The following ARHGAP35 variants were observed in gnomAD, a reference collection of about 807,000 sequenced individuals.
ARHGAP35 encodes Rho GTPase activating protein 35, also known as rho GTPase-activating protein 35.
Under a neutral mutation model 111.1 loss-of-function variants are expected in ARHGAP35, and 15 were observed. The observed-to-expected ratio is 0.13, with a 90% CI of 0.09 to 0.21. ARHGAP35 has a LOEUF of 0.21. ARHGAP35 is among the 10% of genes least tolerant of loss of function. ARHGAP35 has a pLI of 1.00. For missense variants in ARHGAP35, 1,262 were observed against 1,873.0 expected, an observed-to-expected ratio of 0.67 and a Z score of 6.02; for synonymous variants, 643 against 710.3, an observed-to-expected ratio of 0.91 and a Z score of 1.51.
At position 46,994,030 on chromosome 19, in the gene ARHGAP35, T is replaced by C. The variant is rs1321574015; in HGVS notation, c.4036+4355T>C. On this transcript the variant is annotated intron_variant, in intron 5 of 6. Coordinates refer to ENST00000672722, the MANE Select transcript of ARHGAP35 (RefSeq NM_004491.5). The surrounding 1 kb of genome is among the most constrained non-coding windows in gnomAD (Gnocchi z 5.4). ...ATCGGGCCCTCCACAGTCTGGGTCCTGAGGGGACTCTGAAGGGGGTGGAGG... is the reference window on the plus strand; with the variant it reads ...ATCGGGCCCTCCACAGTCTGGGTCCCGAGGGGACTCTGAAGGGGGTGGAGG... 6.6e-6 allele frequency among the ~76,000 whole-genome samples: 1 copy of C among 152,204 alleles called. No individual in the cohort carries two copies. Among genetic ancestry groups the C allele is most frequent in the Non-Finnish European group, 1.5e-5 (1 of 68,032 alleles).
In ARHGAP35 at chr19:46,971,643, G is replaced by A. The variant is rs542952943; in HGVS notation, c.3827-16346G>A. 4.6e-5 allele frequency among the ~76,000 whole-genome samples: 7 copies of A among 151,348 alleles called. No individual in the cohort carries two copies. In the South Asian group the frequency reaches 1.1e-3, roughly 23 times the overall value. On this transcript the variant is annotated intron_variant, in intron 3 of 6. Coordinates refer to ENST00000672722, the MANE Select transcript of ARHGAP35 (RefSeq NM_004491.5). ...GCCTCCTGAGCAGCTGGGATTACAG[G>A]CGCACGCCACCACACCTGGCTAATT...
intron 1 of ARHGAP35, among the ~76,000 whole-genome samples, chr19:46,903,260 C>A (rs1043950333): frequency 1.3e-5 from 2 of 152,190 alleles, no homozygotes; most frequent in Non-Finnish European, 2.9e-5. Context: ...AGCTATGGTA[C>A]AAGTTTCCCA....
At chr19:46,998,809 G>A (rs1007580820) in intron 5 of ARHGAP35, among the ~76,000 whole-genome samples, 1 of 152,220 alleles carries the variant, frequency 6.6e-6, no homozygotes, top group Non-Finnish European at 1.5e-5. Context: ...CCCCTCCAAC[G>A]GGGATGTGTG....
chr19:46,916,694 G>A (rs182759627), intron 1 of ARHGAP35, among the ~76,000 whole-genome samples: 11 of 151,034 alleles, frequency 7.3e-5, no homozygotes, highest in Admixed American at 2.0e-4. Context: ...ATAGCACAAA[G>A]GAATATCCTA....
chr19:46,918,656 C>T lies in ARHGAP35; in HGVS notation c.-20C>T, dbSNP rs531331148. 5.6e-6 allele frequency: 9 copies of T among 1,600,550 alleles called. No individual in the cohort carries two copies. Among genetic ancestry groups the T allele is most frequent in the East Asian group, 4.5e-5 (2 of 44,788 alleles). ...TAATCTGATCTCAGAAGTGGCTGAT[C>T]GTGGCAGGATGTGTCGACGATGATG... On this transcript the variant is annotated 5_prime_UTR_variant, in exon 2 of 7. Coordinates refer to ENST00000672722, the MANE Select transcript of ARHGAP35 (RefSeq NM_004491.5). This position sits in a 1 kb window ranked among gnomAD's most constrained non-coding sequence, Gnocchi z 5.4.
At chr19:46,991,854 A>C (rs2056681057) in intron 5 of ARHGAP35, among the ~76,000 whole-genome samples, 1 of 152,244 alleles carries the variant, frequency 6.6e-6, no homozygotes, top group Admixed American at 6.5e-5. Flanking sequence ...CCATGGCTAC[A>C]TCAACTTGAC....
intron 1 of ARHGAP35, among the ~76,000 whole-genome samples, chr19:46,887,468 T>A (rs1353280751): frequency 6.6e-6 from 1 of 152,204 alleles, no homozygotes; most frequent in African/African-American, 2.4e-5. Flanking sequence ...ATGTGAGGAC[T>A]CTGTAACATC....
At chr19:46,953,302 A>G (rs1380406361) in intron 3 of ARHGAP35, among the ~76,000 whole-genome samples, 1 of 152,192 alleles carries the variant, frequency 6.6e-6, no homozygotes, top group Non-Finnish European at 1.5e-5. Flanking sequence ...CGGGGTGAAC[A>G]TTAACATTTT....
chr19:46,975,407 C>T (rs1203133807), intron 3 of ARHGAP35, among the ~76,000 whole-genome samples: 2 of 152,096 alleles, frequency 1.3e-5, no homozygotes, highest in African/African-American at 4.8e-5. Flanking sequence ...GAAGGAGCAC[C>T]AGGGAGGGCC....
intron 1 of ARHGAP35, among the ~76,000 whole-genome samples, chr19:46,882,293 C>T (rs1228226589): frequency 6.6e-6 from 1 of 151,506 alleles, no homozygotes; most frequent in African/African-American, 2.4e-5. Flanking sequence ...TGCCACCATC[C>T]CTGGCTAATT....
chr19:46,972,594 C>T (rs2056556954), intron 3 of ARHGAP35, among the ~76,000 whole-genome samples: 1 of 152,172 alleles, frequency 6.6e-6, no homozygotes, highest in South Asian at 2.1e-4. Context: ...TTCCTTCACT[C>T]CTGAGTCTCC....
chr19:46,920,671 A>G lies in ARHGAP35; in HGVS notation c.1996A>G (p.Asn666Asp). Reference protein sequence around the residue: ...FQPHGCLCLYNSKESLSYVVE... With the variant: ...FQPHGCLCLYDSKESLSYVVE... ...GCCCCACGGCTGTCTCTGCCTTTAC[A>G]ATTCAAAGGAATCGCTATCCTATGT... The change falls in exon 2 of 7, where the codon AAT (asparagine) becomes GAT (aspartate). Residue 666 changes from asparagine (N) to aspartate (D), a missense_variant. Asn to Asp is a conservative substitution (Grantham distance 23). Around this residue, in one of 8 missense-constraint regions of ARHGAP35, gnomAD observed 37 missense variants for 83.9 expected, o/e 0.44. Transcript: ENST00000672722. The surrounding 1 kb of genome is among the most constrained non-coding windows in gnomAD (Gnocchi z 7.0). 3.1e-6 allele frequency: 5 copies of G among 1,613,988 alleles called. No individual in the cohort carries two copies. The highest frequency in any genetic ancestry group is 4.2e-6 in the Non-Finnish European group (5 of 1,179,894).
At chr19:46,979,251 C>G (rs1164741679) in intron 3 of ARHGAP35, among the ~76,000 whole-genome samples, 1 of 152,130 alleles carries the variant, frequency 6.6e-6, no homozygotes, top group African/African-American at 2.4e-5. Context: ...TGCCACTGGG[C>G]CTGCGTGGGC....
chr19:46,996,039 C>T (rs945575181), intron 5 of ARHGAP35, among the ~76,000 whole-genome samples: 5 of 152,224 alleles, frequency 3.3e-5, no homozygotes, highest in Non-Finnish European at 7.3e-5. Context: ...ACCCGCTCCT[C>T]ACTAGGCGTT....
chr19:46,972,166 G>A (rs766603873), intron 3 of ARHGAP35, among the ~76,000 whole-genome samples: 12 of 152,108 alleles, frequency 7.9e-5, no homozygotes, highest in African/African-American at 1.9e-4. Flanking sequence ...GCATCAGCAC[G>A]CCAGGCTACT....
intron 2 of ARHGAP35, among the ~76,000 whole-genome samples, chr19:46,936,845 C>CTT (rs570390790): frequency 0.021 from 2,705 of 128,412 alleles, 118 homozygotes; most frequent in African/African-American, 0.072. Context: ...TTCTTGAAAT[C>CTT]TTTTTTTTTT....
At chr19:46,928,427 G>A (rs1307703270) in intron 2 of ARHGAP35, among the ~76,000 whole-genome samples, 1 of 152,190 alleles carries the variant, frequency 6.6e-6, no homozygotes, top group Non-Finnish European at 1.5e-5. Context: ...ATTTTCTACA[G>A]CATTTGAGAG....
In ARHGAP35 at chr19:46,920,532, T is replaced by C. The variant is rs2056192355; in HGVS notation, c.1857T>C (p.Leu619=). 2 of 1,613,870 alleles carry C rather than the reference T, an allele frequency of 1.2e-6. No individual in the cohort carries two copies. The highest frequency in any genetic ancestry group is 1.7e-6 in the Non-Finnish European group (2 of 1,179,864). ...ARELANEIRA[L]CTNDDKYVID... is the part of the protein sequence containing the mutation. The stretch of plus-strand genomic sequence containing the variant: ...AGTTGGCCAATGAGATTCGAGCTCT[T>C]TGTACAAATGATGACAAGTATGTGA... The change falls in exon 2 of 7, where the codon CTT becomes CTC. Residue 619 remains leucine, a synonymous_variant. Coordinates refer to ENST00000672722, the MANE Select transcript of ARHGAP35 (RefSeq NM_004491.5). The surrounding 1 kb of genome is among the most constrained non-coding windows in gnomAD (Gnocchi z 7.0).
chr19:46,978,012 T>A (rs1344422460), intron 3 of ARHGAP35, among the ~76,000 whole-genome samples: 2 of 152,170 alleles, frequency 1.3e-5, no homozygotes, highest in African/African-American at 4.8e-5. Flanking sequence ...GAGCATTGTT[T>A]AGTCACAGAA....
Sources: gnomAD v4.1 joint callset for allele counts (sites outside exome capture counted in the v4.1 genomes callset) on GRCh38, gnomAD v4.1.1 for gene constraint, gnomAD v4.1.1 regional missense constraint, Gnocchi (gnomAD v3.1) non-coding constraint, MANE v1.5 for transcripts, NCBI Gene and HGNC (gene_info 2026-07-23, HGNC 2026-07-21) for gene names.